CCSER1: variants seen among roughly 807,000 people sequenced by gnomAD.
CCSER1 encodes coiled-coil serine rich protein 1.
In CCSER1, 41 loss-of-function variants were observed where a neutral mutation model predicts 82.0. The observed-to-expected ratio is 0.50, with a 90% confidence interval of 0.39 to 0.65. The LOEUF (loss-of-function observed/expected upper bound fraction) is 0.65, where lower values mean the gene tolerates loss of function less well. CCSER1 is among the 30% of genes least tolerant of loss of function. The probability of loss-of-function intolerance (pLI) is 0.00; values close to 1 mark genes in which losing one functional copy is unlikely to be tolerated. For synonymous variants in CCSER1, 414 were observed against 383.9 expected (o/e 1.08, Z -0.92); for missense variants, 1,119 against 1,064.2 (o/e 1.05, Z -0.72).
At chr4:91,501,614 G>A (rs76180054) in intron 10 of CCSER1, among the ~76,000 whole-genome samples, 14,473 of 151,894 alleles carry the variant, frequency 0.095, 898 homozygotes, top group Non-Finnish European at 0.13. Flanking sequence ...CATAAAAATT[G>A]TAGTTTCACA....
chr4:91,487,423 T>A (rs978939855), intron 10 of CCSER1, among the ~76,000 whole-genome samples: 5 of 152,146 alleles, frequency 3.3e-5, no homozygotes, highest in Non-Finnish European at 7.4e-5. Context: ...ACAAATATGT[T>A]CAAAGAGTCA....
intron 6 of CCSER1, 142 bp from the exon 7 acceptor site, chr4:90,723,772 A>G: frequency 2.4e-6 from 1 of 411,216 alleles, no homozygotes; most frequent in Non-Finnish European, 4.4e-6. Flanking sequence ...TTATGATTAA[A>G]TCTACGTTAA....
intron 10 of CCSER1, among the ~76,000 whole-genome samples, chr4:91,210,883 G>A (rs1736761987): frequency 6.6e-6 from 1 of 151,870 alleles, no homozygotes. Context: ...AGTTACATAG[G>A]ATAATGTCTT....
intron 1 of CCSER1, among the ~76,000 whole-genome samples, chr4:90,175,449 G>T (rs1369811556): frequency 6.6e-6 from 1 of 151,846 alleles, no homozygotes; most frequent in African/African-American, 2.4e-5. Context: ...TGATTGTGGT[G>T]ATGGTTTCAC....
intron 6 of CCSER1, among the ~76,000 whole-genome samples, chr4:90,669,269 C>T (rs62314395): frequency 0.29 from 43,974 of 151,746 alleles, 6,653 homozygotes; most frequent in East Asian, 0.47. Context: ...GCATTTTTCT[C>T]TTAAAATAAA....
rs1561385193 is a variant in CCSER1, at chr4:90,932,986, A to AGAGAGAGAGAG, written c.2172+9539_2172+9540insGAGAGAGAGAG. ...AGAAAGAAAGAAAGAAAGAAAGAGA[A>AGAGAGAGAGAG]AGAAAGAAAGAAAGAAAGAAAGAAA... On this transcript the variant is annotated intron_variant, in intron 9 of 10. Transcript: ENST00000509176. Among the ~76,000 whole-genome samples the AGAGAGAGAGAG allele has an allele frequency of 4.5e-4, 13 of 29,172 alleles. 1 individual carries two copies. The highest frequency in any genetic ancestry group is 3.8e-3 in the Admixed American group (10 of 2,622). 19.1% of individuals were successfully genotyped at this position (29,172 alleles called of 152,430 possible).
At chr4:90,501,315 A>T (rs144443386) in intron 5 of CCSER1, among the ~76,000 whole-genome samples, 425 of 152,282 alleles carry the variant, frequency 2.8e-3, no homozygotes, top group Admixed American at 7.6e-3. Flanking sequence ...CTTTAAAGTG[A>T]CAAAAATTCT....
intron 7 of CCSER1, among the ~76,000 whole-genome samples, chr4:90,778,574 T>TA (rs916478621): frequency 5.9e-5 from 9 of 151,876 alleles, no homozygotes; most frequent in African/African-American, 1.2e-4. Context: ...ACATATTTTT[T>TA]AAAAAAATCT....
intron 9 of CCSER1, among the ~76,000 whole-genome samples, chr4:90,940,355 G>A (rs1581157310): frequency 8.2e-6 from 1 of 121,926 alleles, no homozygotes; most frequent in South Asian, 2.5e-4. Flanking sequence ...TTCTTTCCTT[G>A]TAATTGAATC....
chr4:90,286,018 G>T (rs907595044), intron 1 of CCSER1, among the ~76,000 whole-genome samples: 1 of 151,890 alleles, frequency 6.6e-6, no homozygotes, highest in African/African-American at 2.4e-5. Flanking sequence ...TATTTAATGT[G>T]TTCTGAAATT....
intron 10 of CCSER1, among the ~76,000 whole-genome samples, chr4:91,558,956 GATTCTTGTTGATTTCAAATTAT>G: frequency 6.6e-6 from 1 of 151,512 alleles, no homozygotes; most frequent in Non-Finnish European, 1.5e-5. Context: ...GCTATGGGGA[GATTCTTGTTGATTTCAAATTAT>G]ATATCTACAG....
At chr4:91,432,029 A>G (rs1754357067) in intron 10 of CCSER1, among the ~76,000 whole-genome samples, 1 of 147,832 alleles carries the variant, frequency 6.8e-6, no homozygotes. Context: ...TGATTGGATC[A>G]CCAGGGCAGT....
chr4:90,258,862 C>T (rs1055496066), intron 1 of CCSER1, among the ~76,000 whole-genome samples: 1 of 152,062 alleles, frequency 6.6e-6, no homozygotes, highest in Non-Finnish European at 1.5e-5. Flanking sequence ...TCTTTGCAAC[C>T]ATGCTGTTTT....
chr4:90,603,609 C>T (rs907607379), intron 5 of CCSER1, among the ~76,000 whole-genome samples: 6 of 126,364 alleles, frequency 4.7e-5, no homozygotes, highest in African/African-American at 1.2e-4. Context: ...GTAATTCTAA[C>T]ATCTTTTCTC....
chr4:90,385,863 G>A (rs1217834240), intron 3 of CCSER1, among the ~76,000 whole-genome samples: 2 of 151,658 alleles, frequency 1.3e-5, no homozygotes, highest in Non-Finnish European at 2.9e-5. Flanking sequence ...ATTTGTTTGA[G>A]TTCCTTGTAG....
intron 6 of CCSER1, among the ~76,000 whole-genome samples, chr4:90,653,058 A>G (rs1312101744): frequency 9.1e-6 from 1 of 110,062 alleles, no homozygotes; most frequent in Non-Finnish European, 2.1e-5. Context: ...CAAGTCGTTT[A>G]ACTGCCATCT....
At chr4:91,150,033 G>C (rs2148950234) in intron 10 of CCSER1, among the ~76,000 whole-genome samples, 1 of 152,240 alleles carries the variant, frequency 6.6e-6, no homozygotes, top group Non-Finnish European at 1.5e-5. Flanking sequence ...TTGGTAGCTT[G>C]ATGGGGATGG....
rs1491115193 is a variant in CCSER1 at position 90,932,976 on chromosome 4, A to AAGAG, written c.2172+9532_2172+9533insGAGA. On this transcript the variant is annotated intron_variant, in intron 9 of 10. Coordinates refer to ENST00000509176, the MANE Select transcript of CCSER1 (RefSeq NM_001145065.2). Reference sequence around the variant, plus strand: ...AAAGAAAGAAAGAAAGAAAGAAAGAAAGAAAGAGAAAGAAAGAAAGAAAGA... The same window carrying AAGAG: ...AAAGAAAGAAAGAAAGAAAGAAAGAAAGAGAGAAAGAGAAAGAAAGAAAGAAAGA... Among the ~76,000 whole-genome samples, 7 of 38,706 alleles carry AAGAG rather than the reference A, an allele frequency of 1.8e-4. 1 individual carries two copies. The East Asian group carries it at 3.4e-3, about 19-fold the overall frequency. 25.4% of individuals were successfully genotyped at this position (38,706 alleles called of 152,430 possible).
At chr4:90,944,158 G>A (rs986308088) in intron 9 of CCSER1, among the ~76,000 whole-genome samples, 1 of 150,470 alleles carries the variant, frequency 6.6e-6, no homozygotes, top group South Asian at 2.1e-4. Context: ...CTTGAACCCC[G>A]GAAGCGGAGG....
Sources: gnomAD v4.1 joint callset for allele counts (sites outside exome capture counted in the v4.1 genomes callset) on GRCh38, gnomAD v4.1.1 for gene constraint, MANE v1.5 for transcripts, NCBI Gene and HGNC (gene_info 2026-07-23, HGNC 2026-07-21) for gene names.